ADAMTS12: variants seen among roughly 807,000 people sequenced by gnomAD.
ADAMTS12 encodes the protein A disintegrin and metalloproteinase with thrombospondin motifs 12.
In ADAMTS12, 118 loss-of-function variants were observed where a neutral mutation model predicts 167.8. That is an observed-to-expected ratio of 0.70 (90% CI 0.61 to 0.82). ADAMTS12 has a LOEUF of 0.82. ADAMTS12 is among the 40% of genes least tolerant of loss of function. The pLI, the probability that ADAMTS12 is intolerant of heterozygous loss-of-function variation, is 0.00. For missense variants in ADAMTS12, 1,916 were observed against 1,998.8 expected (o/e 0.96, Z 0.79); for synonymous variants, 704 against 716.9 (o/e 0.98, Z 0.29).
intron 23 of ADAMTS12, among the ~76,000 whole-genome samples, chr5:33,533,261 G>C (rs1238130304): frequency 6.6e-6 from 1 of 152,158 alleles, no homozygotes; most frequent in East Asian, 1.9e-4. Flanking sequence ...AGAGTAAGTT[G>C]TTGCTTCAGT....
intron 2 of ADAMTS12, among the ~76,000 whole-genome samples, chr5:33,826,680 T>A (rs1748084952): frequency 6.6e-6 from 1 of 152,066 alleles, no homozygotes; most frequent in Admixed American, 6.6e-5. Flanking sequence ...TTATTGGCTA[T>A]TTAACAAATA....
intron 18 of ADAMTS12, among the ~76,000 whole-genome samples, chr5:33,582,345 T>C (rs957924118): frequency 2.0e-5 from 3 of 152,088 alleles, no homozygotes; most frequent in Non-Finnish European, 2.9e-5. Context: ...AGTGACAAGG[T>C]CAGAACATCA....
chr5:33,821,066 C>T (rs1747849659), intron 2 of ADAMTS12, among the ~76,000 whole-genome samples: 1 of 152,124 alleles, frequency 6.6e-6, no homozygotes. Context: ...TACAACAAAC[C>T]TTCATGACAC....
intron 10 of ADAMTS12, 80 bp from the exon 11 acceptor site, chr5:33,642,035 A>C: frequency 1.4e-6 from 2 of 1,381,238 alleles, no homozygotes; most frequent in Non-Finnish European, 1.9e-6. Context: ...AAAAGTCTAA[A>C]CCCAATTCTC....
At chr5:33,859,112 G>T (rs1379453215) in intron 2 of ADAMTS12, among the ~76,000 whole-genome samples, 1 of 152,202 alleles carries the variant, frequency 6.6e-6, no homozygotes, top group Non-Finnish European at 1.5e-5. Context: ...GCTCACGGCA[G>T]GAGTTTTTTC....
At chr5:33,563,814 T>C (rs759287844) in intron 19 of ADAMTS12, among the ~76,000 whole-genome samples, 3 of 152,204 alleles carry the variant, frequency 2.0e-5, no homozygotes, top group Admixed American at 6.5e-5. Flanking sequence ...GAGTACTTCC[T>C]ATGTGCCCGA....
At chr5:33,851,456 A>G (rs1053816774) in intron 2 of ADAMTS12, among the ~76,000 whole-genome samples, 2 of 152,286 alleles carry the variant, frequency 1.3e-5, no homozygotes, top group East Asian at 3.9e-4. Flanking sequence ...CTATTTGTCA[A>G]ATTTGAATCT....
intron 2 of ADAMTS12, among the ~76,000 whole-genome samples, chr5:33,784,073 A>G (rs1746243927): frequency 6.6e-6 from 1 of 151,938 alleles, no homozygotes; most frequent in South Asian, 2.1e-4. Flanking sequence ...AATTATTTTA[A>G]AACACCAAAT....
intron 2 of ADAMTS12, among the ~76,000 whole-genome samples, chr5:33,776,826 C>G (rs1057427003): frequency 6.6e-6 from 1 of 151,930 alleles, no homozygotes; most frequent in African/African-American, 2.4e-5. Context: ...ATAATAAAAT[C>G]AGAAATGAAA....
chr5:33,872,564 A>G (rs904143834), intron 2 of ADAMTS12, among the ~76,000 whole-genome samples: 3 of 151,278 alleles, frequency 2.0e-5, no homozygotes, highest in Admixed American at 1.3e-4. Context: ...AAAAAGAAAG[A>G]AAGAAAAGAA....
At chr5:33,727,719 A>G (rs1744036046) in intron 3 of ADAMTS12, among the ~76,000 whole-genome samples, 1 of 152,102 alleles carries the variant, frequency 6.6e-6, no homozygotes, top group Admixed American at 6.6e-5. Context: ...TAGATTTTGA[A>G]CGATTAGCGC....
At chr5:33,759,340 T>C (rs1745271098) in intron 2 of ADAMTS12, among the ~76,000 whole-genome samples, 1 of 152,216 alleles carries the variant, frequency 6.6e-6, no homozygotes, top group African/African-American at 2.4e-5. Context: ...ATAGTCTGTT[T>C]TTCTCTAGTA....
At chr5:33,755,590 T>C (rs938336294) in intron 2 of ADAMTS12, among the ~76,000 whole-genome samples, 5 of 152,164 alleles carry the variant, frequency 3.3e-5, no homozygotes, top group African/African-American at 1.2e-4. Context: ...ATGGAATTTG[T>C]GAATAGAATG....
At chr5:33,634,081 C>T (rs527888373) in intron 12 of ADAMTS12, among the ~76,000 whole-genome samples, 1 of 152,246 alleles carries the variant, frequency 6.6e-6, no homozygotes, top group African/African-American at 2.4e-5. Flanking sequence ...GGTGGCTCAA[C>T]ATTTTTGGAT....
chr5:33,556,549 T>A (rs1285485963), intron 20 of ADAMTS12, among the ~76,000 whole-genome samples: 2 of 152,208 alleles, frequency 1.3e-5, no homozygotes, highest in Non-Finnish European at 2.9e-5. Context: ...TCAGCAAGTT[T>A]AGAGTGCAGG....
chr5:33,787,172 A>G lies in ADAMTS12; in HGVS notation c.490-35624T>C, dbSNP rs1746360820. 3.9e-5 allele frequency among the ~76,000 whole-genome samples: 6 copies of G among 152,286 alleles called. 1 individual carries two copies. The South Asian group carries it at 1.2e-3, about 32-fold the overall frequency. On this transcript the variant is annotated intron_variant, in intron 2 of 23. Transcript: ENST00000504830. ...TTTCCATTCTTGGAAGAAGGTAGGA[A>G]ATATGAAAAAAAAAAGCATTTGTAG...
rs574013461 is a variant in ADAMTS12, at chr5:33,731,311, G to A, written c.634+20093C>T. Among the ~76,000 whole-genome samples the A allele has an allele frequency of 2.0e-5, 3 of 151,598 alleles. 1 individual carries two copies. The highest frequency in any genetic ancestry group is 4.2e-4 in the South Asian group (2 of 4,780). ...AGAGATTCTCATGTCTCAGCCTTCCGAGTAGCTGGGATTACAGGTGTAAGC... is the reference window on the plus strand; with the variant it reads ...AGAGATTCTCATGTCTCAGCCTTCCAAGTAGCTGGGATTACAGGTGTAAGC... On this transcript the variant is annotated intron_variant, in intron 3 of 23. Coordinates refer to ENST00000504830, the MANE Select transcript of ADAMTS12 (RefSeq NM_030955.4).
chr5:33,531,648 A>ATAGG (rs1279295572), intron 23 of ADAMTS12, among the ~76,000 whole-genome samples: 1 of 152,188 alleles, frequency 6.6e-6, no homozygotes, highest in African/African-American at 2.4e-5. Flanking sequence ...GATCACATGA[A>ATAGG]TAGGTCTTCT....
intron 2 of ADAMTS12, among the ~76,000 whole-genome samples, chr5:33,850,083 G>A (rs1437895929): frequency 1.3e-5 from 2 of 152,086 alleles, no homozygotes; most frequent in African/African-American, 4.8e-5. Context: ...TCCTCTCACG[G>A]AGATTTTCAC....
Sources: allele counts gnomAD v4.1 joint callset (sites outside exome capture counted in the v4.1 genomes callset), GRCh38; gene constraint gnomAD v4.1.1; transcripts MANE v1.5; gene names NCBI Gene and HGNC (gene_info 2026-07-23, HGNC 2026-07-21).